Variants in FBXW4 observed in about 807,000 individuals in gnomAD.
FBXW4 encodes F-box/WD repeat-containing protein 4.
FBXW4 carries 40 observed loss-of-function variants against 61.8 expected under a neutral mutation model. That is an observed-to-expected ratio of 0.65 (90% CI 0.50 to 0.84). The LOEUF (loss-of-function observed/expected upper bound fraction) is 0.84, where lower values mean the gene tolerates loss of function less well. FBXW4 is among the 40% of genes least tolerant of loss of function. The probability of loss-of-function intolerance (pLI) is 0.00; values close to 1 mark genes in which losing one functional copy is unlikely to be tolerated. For missense variants in FBXW4, 672 were observed against 753.8 expected (o/e 0.89, Z 1.27); for synonymous variants, 311 against 313.8 (o/e 0.99, Z 0.10).
At chr10:101,677,181 C>A (rs1250720285) in intron 1 of FBXW4, among the ~76,000 whole-genome samples, 3 of 152,076 alleles carry the variant, frequency 2.0e-5, no homozygotes, top group Non-Finnish European at 4.4e-5. Flanking sequence ...TACTCTATGA[C>A]CTAGGAATAA....
intron 6 of FBXW4, among the ~76,000 whole-genome samples, chr10:101,622,039 T>C (rs2063870510): frequency 1.3e-5 from 2 of 152,076 alleles, no homozygotes; most frequent in Admixed American, 1.3e-4. Flanking sequence ...TTCCCATCCC[T>C]GTTCTTGGAT....
chr10:101,640,484 C>CTTTTTTTTTTTTTTT (rs386372272), intron 5 of FBXW4, among the ~76,000 whole-genome samples: 8 of 83,888 alleles, frequency 9.5e-5, no homozygotes, highest in Non-Finnish European at 1.2e-4. Flanking sequence ...CTTTCTTTCT[C>CTTTTTTTTTTTTTTT]TTTTTTTTTT....
chr10:101,667,806 G>T, intron 5 of FBXW4, 80 bp downstream of exon 5: 1 of 1,266,130 alleles, frequency 7.9e-7, no homozygotes, highest in South Asian at 1.2e-5. Context: ...ACAACAGGAA[G>T]ATTTTCTAGC....
chr10:101,688,083 G>T (rs1016125745), intron 1 of FBXW4, among the ~76,000 whole-genome samples: 2 of 152,286 alleles, frequency 1.3e-5, no homozygotes, highest in South Asian at 4.1e-4. Flanking sequence ...TGAAATCAGG[G>T]GCAGGAGAAG....
chr10:101,623,860 A>C (rs1030267561), intron 6 of FBXW4, among the ~76,000 whole-genome samples: 1 of 152,240 alleles, frequency 6.6e-6, no homozygotes, highest in Admixed American at 6.5e-5. Flanking sequence ...CCATTTATGT[A>C]ACATTTGCAA....
chr10:101,642,659 T>C (rs4919564), intron 5 of FBXW4, among the ~76,000 whole-genome samples: 151,805 of 152,300 alleles, frequency 1, 75,660 homozygotes, highest in Middle Eastern at 1. Context: ...ATTCTACCTC[T>C]GAAGCCTCCT....
At position 101,672,921 on chromosome 10, in the gene FBXW4, C is replaced by T. The variant is rs750444653; in HGVS notation, c.1134G>A (p.Thr378=). Residue 378 remains threonine (T), a synonymous_variant, in exon 4 of 9, where the codon ACG becomes ACA. Coordinates refer to ENST00000331272, the MANE Select transcript of FBXW4 (RefSeq NM_022039.4). Reference sequence around the variant, plus strand: ...AAGGGGGAGACCACCTCACCTTGGCCGTCCTGTCCCTGGAGCCACTCACAA... The same window carrying T: ...AAGGGGGAGACCACCTCACCTTGGCTGTCCTGTCCCTGGAGCCACTCACAA... ...GIIVSGSRDR[T]AKVWPLASGR... is the part of the protein sequence containing the mutation. 2.5e-6 allele frequency: 4 copies of T among 1,614,006 alleles called. No homozygotes were observed. Among genetic ancestry groups the T allele is most frequent in the East Asian group, 4.5e-5 (2 of 44,878 alleles).
At chr10:101,648,827 C>G (rs1406084771) in intron 5 of FBXW4, among the ~76,000 whole-genome samples, 4 of 152,168 alleles carry the variant, frequency 2.6e-5, no homozygotes, top group Non-Finnish European at 5.9e-5. Flanking sequence ...AGTATTGTTC[C>G]TGTCATTCCC....
intron 5 of FBXW4, among the ~76,000 whole-genome samples, chr10:101,636,968 T>C (rs1468314305): frequency 6.6e-6 from 1 of 152,180 alleles, no homozygotes; most frequent in African/African-American, 2.4e-5. Context: ...TGTCTGATAT[T>C]TGCTTCAAAA....
At chr10:101,616,058 AGAGACCTATGCTCTG>A (rs923496671) in intron 6 of FBXW4, among the ~76,000 whole-genome samples, 2 of 152,196 alleles carry the variant, frequency 1.3e-5, no homozygotes, top group Admixed American at 1.3e-4. Flanking sequence ...CCTATGCTCC[AGAGACCTATGCTCTG>A]GAGACCCAGA....
chr10:101,659,349 T>G (rs2064221028), intron 5 of FBXW4: 1 of 980,872 alleles, frequency 1.0e-6, no homozygotes, highest in African/African-American at 1.8e-5. Flanking sequence ...AGTGGCTTAG[T>G]GGAGGAAGGA....
chr10:101,693,409 G>A (rs1428896245), intron 1 of FBXW4, among the ~76,000 whole-genome samples: 5 of 152,050 alleles, frequency 3.3e-5, no homozygotes, highest in Admixed American at 2.0e-4. Flanking sequence ...AATAGTAGAG[G>A]GATGTTCTTT....
In FBXW4 at chr10:101,694,153, G is replaced by C. The variant is rs879598571; in HGVS notation, c.725+228C>G. On this transcript the variant is annotated intron_variant, in intron 1 of 8. Transcript: ENST00000331272. The surrounding 1 kb of genome is among the most constrained non-coding windows in gnomAD (Gnocchi z 6.0). ...TGAGGAGCGGCCCACCCGGGAGGGT[G>C]CCTACTGAGGGATGCTCTCGGGAGG... Among the ~76,000 whole-genome samples the C allele has an allele frequency of 1.3e-5, 2 of 152,150 alleles. No individual in the cohort carries two copies. Among genetic ancestry groups the C allele is most frequent in the Non-Finnish European group, 2.9e-5 (2 of 68,024 alleles).
chr10:101,640,731 G>A (rs930031171), intron 5 of FBXW4, among the ~76,000 whole-genome samples: 1 of 150,712 alleles, frequency 6.6e-6, no homozygotes, highest in East Asian at 2.0e-4. Context: ...CTCCTGGCTG[G>A]TCTCACGCTC....
At chr10:101,635,920 G>C (rs895439895) in intron 5 of FBXW4, among the ~76,000 whole-genome samples, 1 of 152,020 alleles carries the variant, frequency 6.6e-6, no homozygotes, top group Non-Finnish European at 1.5e-5. Flanking sequence ...CTACCCTGGG[G>C]GGGCGGGCGG....
At chr10:101,678,331 A>G (rs752367287) in intron 1 of FBXW4, among the ~76,000 whole-genome samples, 48 of 152,206 alleles carry the variant, frequency 3.2e-4, no homozygotes, top group Admixed American at 1.1e-3. Context: ...AGCTTGCTCC[A>G]CTGCCCATAC....
intron 5 of FBXW4, among the ~76,000 whole-genome samples, chr10:101,631,887 A>G (rs906101897): frequency 6.6e-6 from 1 of 152,188 alleles, no homozygotes; most frequent in African/African-American, 2.4e-5. Flanking sequence ...TTGGCCTCCC[A>G]AAGTGCTGGG....
Position 101,673,050 on chromosome 10 carries a change from A to G in FBXW4, c.1008-3T>C, listed in dbSNP as rs1589774211. On this transcript the variant is annotated splice_polypyrimidine_tract_variant and splice_region_variant and intron_variant, in intron 3 of 8. Transcript: ENST00000331272. Reference sequence around the variant, plus strand: ...TATGAATGCCAATCTTCCCATCCCTAGGAGAGAAATAAGGAGCCGACCCCC... The same window carrying G: ...TATGAATGCCAATCTTCCCATCCCTGGGAGAGAAATAAGGAGCCGACCCCC... The G allele has an allele frequency of 6.2e-7, 1 of 1,613,580 alleles. No homozygotes were observed.
chr10:101,619,110 A>G (rs1019494404), intron 6 of FBXW4, among the ~76,000 whole-genome samples: 2 of 152,138 alleles, frequency 1.3e-5, no homozygotes, highest in African/African-American at 4.8e-5. Context: ...CTCGGGCAGG[A>G]TGGCTTTGGC....
Sources: gnomAD v4.1 joint callset for allele counts (sites outside exome capture counted in the v4.1 genomes callset) on GRCh38, gnomAD v4.1.1 for gene constraint, Gnocchi (gnomAD v3.1) non-coding constraint, MANE v1.5 for transcripts, NCBI Gene and HGNC (gene_info 2026-07-23, HGNC 2026-07-21) for gene names.